PLS1: variants seen among roughly 807,000 people sequenced by gnomAD.
PLS1 encodes plastin-1.
A neutral mutation model predicts 73.7 loss-of-function variants in PLS1; 32 were observed. That is an observed-to-expected ratio of 0.43 (90% CI 0.33 to 0.58). PLS1 has a LOEUF of 0.58. Ranked by LOEUF, PLS1 falls within the 20% of genes least tolerant of loss-of-function variation. The pLI is 0.04. For missense variants in PLS1, 633 were observed against 740.5 expected (o/e 0.85, Z 1.68); for synonymous variants, 217 against 261.3 (o/e 0.83, Z 1.63).
In PLS1 at chr3:142,678,014, T is replaced by A; in HGVS notation, c.498-18T>A. ...TTTCTTGGAGTATTAAACTAAATTA[T>A]TCTCATTTTCTCTTTAGCAAAATGA... On this transcript the variant is annotated intron_variant, in intron 5 of 15. Transcript: ENST00000457734. 1 of 1,302,644 alleles carries A rather than the reference T, an allele frequency of 7.7e-7. No individual in the cohort carries two copies. Among genetic ancestry groups the A allele is most frequent in the African/African-American group, 1.5e-5 (1 of 65,586 alleles). The allele number at this position is 1,302,644 out of a possible 1,614,324, so 80.7% of individuals were successfully genotyped here.
chr3:142,613,307 G>A (rs902736081), intron 1 of PLS1, among the ~76,000 whole-genome samples: 13 of 151,872 alleles, frequency 8.6e-5, no homozygotes, highest in Non-Finnish European at 1.0e-4. Context: ...GTGGAACCCT[G>A]CCTCTACCAA....
chr3:142,620,355 G>C (rs571021095), intron 1 of PLS1, among the ~76,000 whole-genome samples: 10 of 152,226 alleles, frequency 6.6e-5, no homozygotes, highest in Admixed American at 3.3e-4. Context: ...TCAAACTCCT[G>C]ACCTCAGGTT....
In PLS1 at chr3:142,711,970, C is replaced by A; in HGVS notation, c.1853C>A (p.Ala618Glu). Residue 618 changes from alanine to glutamate, a missense_variant, in exon 16 of 16, where the codon GCA (alanine) becomes GAA (glutamate). Physicochemically the swap from Ala to Glu is moderately radical, Grantham distance 107. Coordinates refer to ENST00000457734, the MANE Select transcript of PLS1 (RefSeq NM_001145319.2). ...CCAAAGATGGTTATGACGGTGTTTG[C>A]ATGCTTAATGGGAAAAGGACTGAAC... ...VKPKMVMTVFACLMGKGLNRI... is the reference protein window; with the variant it reads ...VKPKMVMTVFECLMGKGLNRI... 1.2e-6 allele frequency: 2 copies of A among 1,613,242 alleles called. No individual in the cohort carries two copies. Among genetic ancestry groups the A allele is most frequent in the Non-Finnish European group, 1.7e-6 (2 of 1,179,270 alleles).
chr3:142,685,959 G>A (rs2037956331), intron 8 of PLS1, among the ~76,000 whole-genome samples: 1 of 152,162 alleles, frequency 6.6e-6, no homozygotes, highest in Non-Finnish European at 1.5e-5. Flanking sequence ...GAGAATCCAG[G>A]GAAGGCATAC....
chr3:142,638,126 A>C (rs1243588192), intron 1 of PLS1, among the ~76,000 whole-genome samples: 1 of 152,172 alleles, frequency 6.6e-6, no homozygotes, highest in East Asian at 1.9e-4. Flanking sequence ...TTTTTATTCT[A>C]TAATTAAGTC....
chr3:142,704,608 A>G (rs937464658), intron 14 of PLS1, 22 bp downstream of exon 14: 5 of 1,389,158 alleles, frequency 3.6e-6, no homozygotes, highest in Non-Finnish European at 4.8e-6. Context: ...TCCTAAAAAA[A>G]ATTTTTTTTT....
At chr3:142,610,976 A>G (rs1359857156) in intron 1 of PLS1, among the ~76,000 whole-genome samples, 2 of 152,168 alleles carry the variant, frequency 1.3e-5, no homozygotes, top group Non-Finnish European at 2.9e-5. Flanking sequence ...AGTAATAAAT[A>G]TTTTAGGCTT....
chr3:142,608,500 A>G (rs940893285), intron 1 of PLS1, among the ~76,000 whole-genome samples: 4 of 152,176 alleles, frequency 2.6e-5, no homozygotes, highest in Admixed American at 6.5e-5. Flanking sequence ...TGCTTTGTGA[A>G]GGGAGTAGGA....
At chr3:142,631,402 T>C (rs907832174) in intron 1 of PLS1, among the ~76,000 whole-genome samples, 5 of 151,468 alleles carry the variant, frequency 3.3e-5, no homozygotes, top group Non-Finnish European at 7.4e-5. Context: ...AGGAAAATCG[T>C]TTGAACCTGG....
intron 14 of PLS1, among the ~76,000 whole-genome samples, chr3:142,707,147 A>G (rs983182089): frequency 3.9e-5 from 6 of 152,218 alleles, no homozygotes; most frequent in Non-Finnish European, 7.3e-5. Flanking sequence ...CATATGCTTA[A>G]TGATAAAATC....
intron 1 of PLS1, chr3:142,627,878 G>C (rs960518897): frequency 6.6e-6 from 1 of 151,554 alleles, no homozygotes; most frequent in East Asian, 1.9e-4. Flanking sequence ...CAATCCACCT[G>C]CCTTGGCCTC....
chr3:142,631,960 A>G (rs2036574439), intron 1 of PLS1, among the ~76,000 whole-genome samples: 1 of 152,232 alleles, frequency 6.6e-6, no homozygotes, highest in African/African-American at 2.4e-5. Flanking sequence ...GATATTAGTA[A>G]ATCATATGAC....
At chr3:142,674,886 C>T (rs1404198212) in intron 4 of PLS1, among the ~76,000 whole-genome samples, 2 of 152,104 alleles carry the variant, frequency 1.3e-5, no homozygotes, top group Non-Finnish European at 1.5e-5. Context: ...CCTGCCACCA[C>T]ACCTGGCTAA....
intron 1 of PLS1, among the ~76,000 whole-genome samples, chr3:142,640,117 C>T (rs1290123533): frequency 2.0e-5 from 3 of 152,204 alleles, no homozygotes; most frequent in Non-Finnish European, 2.9e-5. Context: ...GGAAACAATA[C>T]AAGACCAGAA....
chr3:142,669,032 AGTTTTTGTTTT>A (rs1229978196), intron 2 of PLS1, among the ~76,000 whole-genome samples: 1 of 151,976 alleles, frequency 6.6e-6, no homozygotes, highest in African/African-American at 2.4e-5. Context: ...ATATATACAA[AGTTTTTGTTTT>A]GTTTTTGTTT....
At chr3:142,624,966 C>G (rs919721058) in intron 1 of PLS1, among the ~76,000 whole-genome samples, 2 of 152,046 alleles carry the variant, frequency 1.3e-5, no homozygotes, top group Non-Finnish European at 2.9e-5. Context: ...CTTTTATGAT[C>G]CCAGTTTAGA....
At chr3:142,695,084 A>G (rs1463003713) in intron 11 of PLS1, among the ~76,000 whole-genome samples, 1 of 152,048 alleles carries the variant, frequency 6.6e-6, no homozygotes, top group Non-Finnish European at 1.5e-5. Context: ...CTAACGATGC[A>G]TCTTTCTAAG....
intron 1 of PLS1, among the ~76,000 whole-genome samples, chr3:142,649,521 T>G (rs1252173199): frequency 2.0e-5 from 3 of 151,496 alleles, no homozygotes; most frequent in African/African-American, 7.3e-5. Flanking sequence ...GCCTGAAATC[T>G]CAGCTACTAG....
chr3:142,705,339 T>C (rs1156889916), intron 14 of PLS1, among the ~76,000 whole-genome samples: 2 of 152,136 alleles, frequency 1.3e-5, no homozygotes, highest in Non-Finnish European at 2.9e-5. Flanking sequence ...CAAGTGGGAA[T>C]TGAGAAAACT....
Sources: allele counts gnomAD v4.1 joint callset (sites outside exome capture counted in the v4.1 genomes callset), GRCh38; gene constraint gnomAD v4.1.1; transcripts MANE v1.5; gene names NCBI Gene and HGNC (gene_info 2026-07-23, HGNC 2026-07-21).